The following OPHN1 variants were observed in gnomAD, a reference collection of about 807,000 sequenced individuals.
The protein encoded by OPHN1 is oligophrenin 1.
Under a neutral mutation model 60.7 loss-of-function variants are expected in OPHN1, and 11 were observed. The ratio of observed to expected loss-of-function variants is 0.18; its 90% CI spans 0.11 to 0.30. OPHN1 has a LOEUF of 0.30. Ranked by LOEUF, OPHN1 falls within the 10% of genes least tolerant of loss-of-function variation. OPHN1 has a pLI of 1.00. For synonymous variants in OPHN1, 226 were observed against 222.6 expected (o/e 1.02, Z -0.14); for missense variants, 449 against 611.0 (o/e 0.73, Z 2.80).
intron 6 of OPHN1, among the ~76,000 whole-genome samples, chrX:68,226,887 C>T (rs913710546): frequency 1.8e-5 from 2 of 111,418 alleles, no homozygotes; most frequent in South Asian, 3.8e-4. Context: ...ACAATATTAA[C>T]CTTAAATGTA....
chrX:68,191,475 TAAAG>T (rs1252139126), intron 15 of OPHN1, among the ~76,000 whole-genome samples: 1 of 111,712 alleles, frequency 9.0e-6, no homozygotes, highest in African/African-American at 3.3e-5. Context: ...GTAAAAAGCA[TAAAG>T]AGAGAATACC....
intron 2 of OPHN1, among the ~76,000 whole-genome samples, chrX:68,346,689 A>G (rs1162334474): frequency 8.9e-6 from 1 of 112,265 alleles, no homozygotes; most frequent in African/African-American, 3.2e-5. Flanking sequence ...AAAGGTCCCT[A>G]TTAATTGTCC....
chrX:68,244,772 A>G (rs1043387625), intron 5 of OPHN1, among the ~76,000 whole-genome samples: 4 of 112,140 alleles, frequency 3.6e-5, no homozygotes, highest in African/African-American at 9.7e-5. Context: ...AGCACTTGAT[A>G]TGCATTACCT....
chrX:68,324,793 A>T (rs1183317608), intron 2 of OPHN1, among the ~76,000 whole-genome samples: 2 of 109,404 alleles, frequency 1.8e-5, no homozygotes, highest in Admixed American at 9.8e-5. Context: ...TGTAATCCCA[A>T]CACTTTGGGA....
At chrX:68,273,072 G>C (rs918387184) in intron 5 of OPHN1, among the ~76,000 whole-genome samples, 1 of 111,712 alleles carries the variant, frequency 9.0e-6, no homozygotes, top group Non-Finnish European at 1.9e-5. Flanking sequence ...GATGATAGCA[G>C]GTAGTGGGAG....
intron 11 of OPHN1, among the ~76,000 whole-genome samples, chrX:68,199,599 A>G: frequency 8.9e-6 from 1 of 112,511 alleles, no homozygotes; most frequent in Non-Finnish European, 1.9e-5. Context: ...CCTGCTAGGA[A>G]GCCTGACTCT....
At chrX:68,217,243 C>G (rs941798659) in intron 6 of OPHN1, among the ~76,000 whole-genome samples, 4 of 112,126 alleles carry the variant, frequency 3.6e-5, no homozygotes, top group Non-Finnish European at 7.5e-5. Flanking sequence ...CGGAGCACCA[C>G]GAGATTATAT....
At chrX:68,251,085 CATGGTA>C (rs746797590) in intron 5 of OPHN1, among the ~76,000 whole-genome samples, 5 of 108,311 alleles carry the variant, frequency 4.6e-5, no homozygotes, top group Non-Finnish European at 7.6e-5. Flanking sequence ...AACAGATAAG[CATGGTA>C]ATGTGGAAAG....
chrX:68,237,898 C>G (rs1259057501), intron 5 of OPHN1, among the ~76,000 whole-genome samples: 4 of 111,916 alleles, frequency 3.6e-5, no homozygotes, highest in Admixed American at 2.9e-4. Flanking sequence ...AATGTTGAAT[C>G]AAAGTGAAGA....
chrX:68,338,589 G>A (rs1364312175), intron 2 of OPHN1, among the ~76,000 whole-genome samples: 1 of 111,641 alleles, frequency 9.0e-6, no homozygotes, highest in Non-Finnish European at 1.9e-5. Flanking sequence ...AACTCAGTCT[G>A]TAAGGCCAGT....
At chrX:68,346,131 T>C (rs1008811234) in intron 2 of OPHN1, among the ~76,000 whole-genome samples, 3 of 111,257 alleles carry the variant, frequency 2.7e-5, no homozygotes, top group Non-Finnish European at 5.7e-5. Flanking sequence ...CTGTCTCAAA[T>C]AAATAAATAA....
At chrX:68,322,052 G>A (rs2078238363) in intron 2 of OPHN1, among the ~76,000 whole-genome samples, 1 of 111,332 alleles carries the variant, frequency 9.0e-6, no homozygotes, top group African/African-American at 3.3e-5. Flanking sequence ...GCTCACTGCA[G>A]CCTCAACTAC....
At chrX:68,411,825 T>C (rs1168645781) in intron 2 of OPHN1, among the ~76,000 whole-genome samples, 1 of 111,962 alleles carries the variant, frequency 8.9e-6, no homozygotes, top group Non-Finnish European at 1.9e-5. Context: ...TTTTGGTGTC[T>C]TTGTCATGAA....
At chrX:68,274,286 A>T (rs2077982765) in intron 5 of OPHN1, among the ~76,000 whole-genome samples, 1 of 112,282 alleles carries the variant, frequency 8.9e-6, no homozygotes, top group South Asian at 3.7e-4. Context: ...AGAAGCACAC[A>T]AAGTCCTTGT....
intron 19 of OPHN1, among the ~76,000 whole-genome samples, chrX:68,090,215 C>T (rs919762547): frequency 2.8e-5 from 3 of 105,671 alleles, no homozygotes; most frequent in South Asian, 4.4e-4. Flanking sequence ...CACATACTGA[C>T]GCCCACCCCC....
At chrX:68,172,622 T>G (rs1370168222) in intron 15 of OPHN1, among the ~76,000 whole-genome samples, 1 of 111,002 alleles carries the variant, frequency 9.0e-6, no homozygotes, top group African/African-American at 3.3e-5. Flanking sequence ...AAAAAAAAAT[T>G]ACCCAAAGAA....
rs2076902758 is a variant in OPHN1, at chrX:68,063,876, C to A, written c.2136G>T (p.Arg712=). ...PSFHIKRPAP[R]PLAHHKEGDA... ...TACCCTCCTTGTGGTGGGCCAGGGG[C>A]CGGGGAGCTGGTCTCTTTATGTGGA... Residue 712 remains arginine, a synonymous_variant, in exon 21 of 25, where the codon CGG becomes CGT. Coordinates refer to ENST00000355520, the MANE Select transcript of OPHN1 (RefSeq NM_002547.3). The A allele has an allele frequency of 8.5e-7, 1 of 1,170,607 alleles. No individual in the cohort carries two copies. The highest frequency in any genetic ancestry group is 3.1e-5 in the East Asian group (1 of 32,351).
At chrX:68,369,081 G>T (rs1275723244) in intron 2 of OPHN1, among the ~76,000 whole-genome samples, 1 of 110,540 alleles carries the variant, frequency 9.0e-6, no homozygotes, top group Non-Finnish European at 1.9e-5. Flanking sequence ...GGTAGCACGT[G>T]CCTGTAGTCC....
intron 15 of OPHN1, among the ~76,000 whole-genome samples, chrX:68,149,760 A>G (rs948738654): frequency 9.1e-6 from 1 of 110,360 alleles, no homozygotes; most frequent in Admixed American, 9.7e-5. Flanking sequence ...CTTAAATATG[A>G]AATTGTCATA....
Sources: gnomAD v4.1 joint callset for allele counts (sites outside exome capture counted in the v4.1 genomes callset) on GRCh38, gnomAD v4.1.1 for gene constraint, MANE v1.5 for transcripts, NCBI Gene and HGNC (gene_info 2026-07-23, HGNC 2026-07-21) for gene names.